The following GRM8 variants were observed in gnomAD, a reference collection of about 807,000 sequenced individuals.
GRM8 encodes the protein glutamate metabotropic receptor 8, also known as metabotropic glutamate receptor 8.
In GRM8, 47 loss-of-function variants were observed where a neutral mutation model predicts 87.2. The observed-to-expected ratio is 0.54, with a 90% CI of 0.43 to 0.69. GRM8 has a LOEUF of 0.69. GRM8 is among the 30% of genes least tolerant of loss of function. The pLI is 0.00. For synonymous variants in GRM8, 396 were observed against 404.5 expected (o/e 0.98, Z 0.25); for missense variants, 1,019 against 1,139.2 (o/e 0.89, Z 1.52).
rs143468706 is a variant in GRM8 at position 127,242,819 on chromosome 7, G to A, written c.386C>T (p.Ser129Leu). Residue 129 changes from serine (S) to leucine (L), a missense_variant, in exon 2 of 11, where the codon TCG becomes TTG. Physicochemically the swap from Ser to Leu is moderately radical, Grantham distance 145. Coordinates refer to ENST00000339582, the MANE Select transcript of GRM8 (RefSeq NM_000845.3). ...ATCTCCATTAGCACACTTCACATCC[G>A]AAGCATCTTTCTCTATTAATGCCTG... Reference protein sequence around the residue: ...FVQALIEKDASDVKCANGDPP... With the variant: ...FVQALIEKDALDVKCANGDPP... 151 of 1,613,932 alleles carry A rather than the reference G, an allele frequency of 9.4e-5. No homozygotes were observed. Among genetic ancestry groups the A allele is most frequent in the Non-Finnish European group, 1.2e-4 (138 of 1,180,024 alleles).
chr7:127,193,904 C>A lies in GRM8; in HGVS notation c.510+48791G>T, dbSNP rs546278313. Among the ~76,000 whole-genome samples, 34 of 152,232 alleles carry A rather than the reference C, an allele frequency of 2.2e-4. 1 individual carries two copies. In the South Asian group the frequency reaches 7.1e-3, roughly 32 times the overall value. Reference sequence around the variant, plus strand: ...CAAACATAAAAATACAACATAAGATCCCAAAAGCATCAGCATTCAATCACT... The same window carrying A: ...CAAACATAAAAATACAACATAAGATACCAAAAGCATCAGCATTCAATCACT... On this transcript the variant is annotated intron_variant, in intron 2 of 10. Coordinates refer to ENST00000339582, the MANE Select transcript of GRM8 (RefSeq NM_000845.3).
rs73449020 is a variant in GRM8 at position 126,661,494 on chromosome 7, C to G, written c.1358-51996G>C. Among the ~76,000 whole-genome samples, 1,062 of 152,234 alleles carry G rather than the reference C, an allele frequency of 7.0e-3. 11 individuals are homozygous for G. Among genetic ancestry groups the G allele is most frequent in the African/African-American group, 0.025 (1,024 of 41,522 alleles). On this transcript the variant is annotated intron_variant, in intron 7 of 10. Transcript: ENST00000339582. ...TGTACCTTCTAAATCACTTTCTAAA[C>G]CCAGCCCTGGGACCCTCAGGACTCC...
intron 2 of GRM8, among the ~76,000 whole-genome samples, chr7:127,109,267 A>C (rs1826114347): frequency 6.6e-6 from 1 of 152,214 alleles, no homozygotes; most frequent in Non-Finnish European, 1.5e-5. Context: ...AAAGAAGAAA[A>C]GCATCCCAAG....
chr7:126,476,093 A>G (rs532826013), intron 9 of GRM8, among the ~76,000 whole-genome samples: 5 of 152,250 alleles, frequency 3.3e-5, no homozygotes, highest in African/African-American at 1.2e-4. Context: ...ACAAAAATAA[A>G]AATAAACAAA....
intron 2 of GRM8, among the ~76,000 whole-genome samples, chr7:127,236,851 AG>A (rs1359544222): frequency 6.6e-6 from 1 of 152,192 alleles, no homozygotes; most frequent in Non-Finnish European, 1.5e-5. Flanking sequence ...GGCCCATGCT[AG>A]GTGCTAGGAA....
At chr7:127,179,189 G>A (rs1424598837) in intron 2 of GRM8, among the ~76,000 whole-genome samples, 7 of 152,074 alleles carry the variant, frequency 4.6e-5, no homozygotes, top group Non-Finnish European at 7.4e-5. Context: ...CACCAAAAGC[G>A]AGCAGGATAG....
chr7:126,660,081 T>G (rs1804979564), intron 7 of GRM8, among the ~76,000 whole-genome samples: 1 of 152,206 alleles, frequency 6.6e-6, no homozygotes, highest in Non-Finnish European at 1.5e-5. Context: ...GGCTTTTGTT[T>G]TTGGTGACAA....
At chr7:126,447,516 TC>T (rs1417808107) in intron 9 of GRM8, among the ~76,000 whole-genome samples, 3 of 151,968 alleles carry the variant, frequency 2.0e-5, no homozygotes, top group African/African-American at 7.2e-5. Context: ...AATCTGTTAG[TC>T]TTGCTAACAT....
At chr7:126,441,241 ATGGTTTCTTT>A (rs1563008794) in intron 10 of GRM8, among the ~76,000 whole-genome samples, 1 of 152,092 alleles carries the variant, frequency 6.6e-6, no homozygotes, top group South Asian at 2.1e-4. Context: ...ATGCATATTT[ATGGTTTCTTT>A]TGGTTTCATC....
At chr7:126,785,599 C>T (rs56813278) in intron 6 of GRM8, among the ~76,000 whole-genome samples, 3,358 of 152,032 alleles carry the variant, frequency 0.022, 134 homozygotes, top group African/African-American at 0.077. Context: ...TTAAAAGACC[C>T]GGGTCTTTTA....
At chr7:127,209,923 C>A (rs1223647338) in intron 2 of GRM8, among the ~76,000 whole-genome samples, 1 of 152,114 alleles carries the variant, frequency 6.6e-6, no homozygotes, top group Non-Finnish European at 1.5e-5. Flanking sequence ...TCTGGACCTG[C>A]AGCATCCCCA....
At chr7:126,668,203 C>G (rs1805997950) in intron 7 of GRM8, among the ~76,000 whole-genome samples, 1 of 152,098 alleles carries the variant, frequency 6.6e-6, no homozygotes, top group African/African-American at 2.4e-5. Flanking sequence ...CCCTTTCTTC[C>G]TTTTCATCCA....
intron 7 of GRM8, among the ~76,000 whole-genome samples, chr7:126,646,138 T>C (rs1000265647): frequency 1.3e-5 from 2 of 152,100 alleles, no homozygotes; most frequent in African/African-American, 4.8e-5. Flanking sequence ...TCTTAACCTC[T>C]TCTTCCCTGC....
At chr7:127,171,283 A>C (rs138966568) in intron 2 of GRM8, among the ~76,000 whole-genome samples, 51 of 152,324 alleles carry the variant, frequency 3.3e-4, no homozygotes, top group Admixed American at 5.9e-4. Context: ...ATTCCTGGTG[A>C]AAATACTGTG....
chr7:126,770,164 G>T (rs1415378112), intron 6 of GRM8, 99 bp from the exon 7 acceptor site: 1 of 738,538 alleles, frequency 1.4e-6, no homozygotes, highest in African/African-American at 1.8e-5. Flanking sequence ...CACTTAATGA[G>T]ACACGACTAT....
intron 3 of GRM8, among the ~76,000 whole-genome samples, chr7:126,948,143 G>A (rs888267391): frequency 6.6e-6 from 1 of 152,070 alleles, no homozygotes; most frequent in African/African-American, 2.4e-5. Context: ...CAGCTCGGTG[G>A]AAGTAAAAAA....
At chr7:126,611,363 G>T (rs1039670402) in intron 7 of GRM8, among the ~76,000 whole-genome samples, 2 of 152,132 alleles carry the variant, frequency 1.3e-5, no homozygotes, top group African/African-American at 4.8e-5. Flanking sequence ...ATCAACACTT[G>T]TCAAGTGCTT....
chr7:127,053,943 A>G (rs1819734338), intron 3 of GRM8, among the ~76,000 whole-genome samples: 1 of 152,320 alleles, frequency 6.6e-6, no homozygotes, highest in East Asian at 1.9e-4. Context: ...TAGTGACATT[A>G]AATGACAATT....
At chr7:126,678,395 G>GAGT (rs748572014) in intron 7 of GRM8, among the ~76,000 whole-genome samples, 35 of 152,174 alleles carry the variant, frequency 2.3e-4, no homozygotes, top group Non-Finnish European at 4.3e-4. Flanking sequence ...TGTAACTGCT[G>GAGT]AGTAGCTCAC....
Sources: gnomAD v4.1 joint callset for allele counts (sites outside exome capture counted in the v4.1 genomes callset) on GRCh38, gnomAD v4.1.1 for gene constraint, MANE v1.5 for transcripts, NCBI Gene and HGNC (gene_info 2026-07-23, HGNC 2026-07-21) for gene names.